OR5H6: variants seen among roughly 807,000 people sequenced by gnomAD.
The protein encoded by OR5H6 is olfactory receptor 5H6.
For synonymous variants in OR5H6, 151 were observed against 127.7 expected, an observed-to-expected ratio of 1.18 and a Z score of -1.23; for missense variants, 429 against 358.1, an observed-to-expected ratio of 1.20 and a Z score of -1.60.
Position 98,264,358 on chromosome 3 carries a change from T to A in OR5H6, c.26T>A (p.Leu9Gln). 6.2e-7 allele frequency: 1 copy of A among 1,613,156 alleles called. No individual in the cohort carries two copies. Among genetic ancestry groups the A allele is most frequent in the Non-Finnish European group, 8.5e-7 (1 of 1,179,210 alleles). The stretch of plus-strand genomic sequence containing the variant: ...ATGGAAGAGGAAAATGCAACATTGC[T>A]GACAGAGTTTGTTCTCACAGGATTT... MEEENATL[L>Q]TEFVLTGFLH... The change falls in exon 1 of 1, where the codon CTG (leucine) becomes CAG (glutamine). Residue 9 changes from leucine to glutamine, a missense_variant. Transcript: ENST00000615035.
Position 98,264,660 on chromosome 3 carries a change from A to G in OR5H6, c.328A>G (p.Thr110Ala). 6.2e-7 allele frequency: 1 copy of G among 1,608,510 alleles called. No homozygotes were observed. The highest frequency in any genetic ancestry group is 1.1e-5 in the South Asian group (1 of 90,838). Residue 110 changes from threonine to alanine, a missense_variant, in exon 1 of 1, where the codon ACA (threonine) becomes GCA (alanine). Physicochemically the swap from Thr to Ala is moderately conservative, Grantham distance 58. Transcript: ENST00000615035. ...QFFSLVTTVT[T>A]ECFLLATMAY... ...TTTTTCCCTTGTAACCACTGTAACC[A>G]CAGAATGTTTTCTCTTGGCAACAAT...
chr3:98,264,359 GAC>G lies in OR5H6; in HGVS notation c.29_30del (p.Thr10ArgfsTer12). On this transcript the variant is annotated frameshift_variant, in exon 1 of 1. Transcript: ENST00000615035. LOFTEE classifies it low-confidence loss of function (END_TRUNC). The stretch of plus-strand genomic sequence containing the variant: ...TGGAAGAGGAAAATGCAACATTGCT[GAC>G]AGAGTTTGTTCTCACAGGATTTTTA... Reference protein sequence around the residue: MEEENATLLTEFVLTGFLHQ... With the variant: MEEENATLLXEFVLTGFLHQ... 6.2e-7 allele frequency: 1 copy of G among 1,613,074 alleles called. No individual in the cohort carries two copies.
Position 98,264,469 on chromosome 3 carries a change from T to C in OR5H6, c.137T>C (p.Ile46Thr), listed in dbSNP as rs1427292008. ...LITIMGNLGL[I>T]VLIWKDPHLH... ...ACCATCATGGGGAATCTTGGTCTAA[T>C]TGTTCTCATCTGGAAAGACCCTCAC... Residue 46 changes from isoleucine (I) to threonine (T), a missense_variant, in exon 1 of 1, where the codon ATT becomes ACT. Transcript: ENST00000615035. The C allele has an allele frequency of 1.2e-6, 2 of 1,612,652 alleles. No individual in the cohort carries two copies. The highest frequency in any genetic ancestry group is 1.7e-6 in the Non-Finnish European group (2 of 1,178,794).
rs760236883 is a variant in OR5H6, at chr3:98,265,164, T to C, written c.832T>C (p.Tyr278His). ...CCAAGATATGATGGAGTCTCTATTT[T>C]ACACTGTCATAGTTCCTTTATTAAA... The part of the protein sequence containing the change: ...DDQDMMESLF[Y>H]TVIVPLLNPM... Residue 278 changes from tyrosine (Y) to histidine (H), a missense_variant, in exon 1 of 1, where the codon TAC becomes CAC. Transcript: ENST00000615035. The C allele has an allele frequency of 3.7e-6, 6 of 1,613,040 alleles. No individual in the cohort carries two copies. Among genetic ancestry groups the C allele is most frequent in the Non-Finnish European group, 4.2e-6 (5 of 1,179,426 alleles).
Position 98,264,705 on chromosome 3 carries a change from G to C in OR5H6, c.373G>C (p.Ala125Pro). 1 of 1,613,200 alleles carries C rather than the reference G, an allele frequency of 6.2e-7. No individual in the cohort carries two copies. Among genetic ancestry groups the C allele is most frequent in the Non-Finnish European group, 8.5e-7 (1 of 1,179,278 alleles). ...LATMAYDRYV[A>P]ICKALLYPVI... ...AACAATGGCATATGATCGCTATGTA[G>C]CCATTTGCAAAGCTTTACTTTATCC... is the stretch of plus-strand genomic sequence containing the variant. Residue 125 changes from alanine (A) to proline (P), a missense_variant, in exon 1 of 1, where the codon GCC (alanine) becomes CCC (proline). Ala to Pro is a conservative substitution (Grantham distance 27). Transcript: ENST00000615035.
Position 98,265,242 on chromosome 3 carries a change from A to G in OR5H6, c.910A>G (p.Met304Val). ...NKQVIASFTK[M>V]FKSNV The stretch of plus-strand genomic sequence containing the variant: ...GCAAGTAATAGCTTCATTCACAAAA[A>G]TGTTCAAAAGCAATGTTTAGATCTC... Residue 304 changes from methionine to valine, a missense_variant, in exon 1 of 1, where the codon ATG becomes GTG. Met to Val is a conservative substitution (Grantham distance 21). Transcript: ENST00000615035. 6.3e-6 allele frequency: 10 copies of G among 1,584,208 alleles called. No individual in the cohort carries two copies. Among genetic ancestry groups the G allele is most frequent in the Non-Finnish European group, 8.6e-6 (10 of 1,168,602 alleles).
In OR5H6 at chr3:98,264,379, G is replaced by A. The variant is rs765251519; in HGVS notation, c.47G>A (p.Gly16Glu). 6.2e-7 allele frequency: 1 copy of A among 1,612,968 alleles called. No homozygotes were observed. The highest frequency in any genetic ancestry group is 8.5e-7 in the Non-Finnish European group (1 of 1,179,204). Residue 16 changes from glycine to glutamate, a missense_variant, in exon 1 of 1, where the codon GGA becomes GAA. Gly to Glu is a moderately conservative substitution (Grantham distance 98). Transcript: ENST00000615035. ...ATLLTEFVLT[G>E]FLHQPDCKIP... Reference sequence around the variant, plus strand: ...TTGCTGACAGAGTTTGTTCTCACAGGATTTTTACATCAACCTGACTGTAAA... The same window carrying A: ...TTGCTGACAGAGTTTGTTCTCACAGAATTTTTACATCAACCTGACTGTAAA...
Position 98,264,324 on chromosome 3 carries a change from A to G in OR5H6, c.-9A>G. Reference sequence around the variant, plus strand: ...TTGCTTCATTTTTCAGAGGACATGCAGTGAGGAGATGGAAGAGGAAAATGC... The same window carrying G: ...TTGCTTCATTTTTCAGAGGACATGCGGTGAGGAGATGGAAGAGGAAAATGC... On this transcript the variant is annotated 5_prime_UTR_variant, in exon 1 of 1. Coordinates refer to ENST00000615035, the MANE Select transcript of OR5H6 (RefSeq NM_001005479.2). 2 of 1,612,894 alleles carry G rather than the reference A, an allele frequency of 1.2e-6. No homozygotes were observed. The highest frequency in any genetic ancestry group is 1.7e-6 in the Non-Finnish European group (2 of 1,179,122).
At position 98,265,033 on chromosome 3, in the gene OR5H6, T is replaced by G; in HGVS notation, c.701T>G (p.Ile234Arg). ...TILEKKSIKG[I>R]RKAVSTCGAH... is the part of the protein sequence containing the mutation. ...TTAGAAAAGAAGTCTATCAAAGGGA[T>G]ACGAAAAGCTGTCTCCACCTGTGGG... The change falls in exon 1 of 1, where the codon ATA (isoleucine) becomes AGA (arginine). Residue 234 changes from isoleucine (I) to arginine (R), a missense_variant. Transcript: ENST00000615035. 1 of 1,612,892 alleles carries G rather than the reference T, an allele frequency of 6.2e-7. No homozygotes were observed. Among genetic ancestry groups the G allele is most frequent in the Non-Finnish European group, 8.5e-7 (1 of 1,179,380 alleles).
Position 98,265,301 on chromosome 3 carries a change from C to T in OR5H6, c.*39C>T, listed in dbSNP as rs754922692. 3.3e-6 allele frequency: 5 copies of T among 1,525,078 alleles called. No individual in the cohort carries two copies. Among genetic ancestry groups the T allele is most frequent in the Admixed American group, 4.4e-5 (2 of 45,500 alleles). 94.5% of individuals were successfully genotyped at this position (1,525,078 alleles called of 1,614,324 possible). Reference sequence around the variant, plus strand: ...TCTCTTCTCTATTTACTAAAATTGTCCCAAGATTGTGCAAGTTAGAGGTGT... The same window carrying T: ...TCTCTTCTCTATTTACTAAAATTGTTCCAAGATTGTGCAAGTTAGAGGTGT... On this transcript the variant is annotated 3_prime_UTR_variant, in exon 1 of 1. Coordinates refer to ENST00000615035, the MANE Select transcript of OR5H6 (RefSeq NM_001005479.2).
In OR5H6 at chr3:98,264,710, T is replaced by G. The variant is rs1424868106; in HGVS notation, c.378T>G (p.Ile126Met). Residue 126 changes from isoleucine (I) to methionine (M), a missense_variant, in exon 1 of 1, where the codon ATT (isoleucine) becomes ATG (methionine). Ile to Met is a conservative substitution (Grantham distance 10). Coordinates refer to ENST00000615035, the MANE Select transcript of OR5H6 (RefSeq NM_001005479.2). ...ATMAYDRYVA[I>M]CKALLYPVIM... ...TGGCATATGATCGCTATGTAGCCAT[T>G]TGCAAAGCTTTACTTTATCCAGTCA... is the stretch of plus-strand genomic sequence containing the variant. 1.2e-6 allele frequency: 2 copies of G among 1,613,262 alleles called. No homozygotes were observed. The highest frequency in any genetic ancestry group is 3.3e-5 in the Admixed American group (2 of 59,960).
At position 98,265,144 on chromosome 3, in the gene OR5H6, A is replaced by G. The variant is rs1408315554; in HGVS notation, c.812A>G (p.Asp271Gly). The G allele has an allele frequency of 6.2e-7, 1 of 1,613,294 alleles. No homozygotes were observed. The highest frequency in any genetic ancestry group is 2.2e-5 in the East Asian group (1 of 44,862). Residue 271 changes from aspartate (D) to glycine (G), a missense_variant, in exon 1 of 1, where the codon GAT (aspartate) becomes GGT (glycine). Transcript: ENST00000615035. ...GSASPQADDQ[D>G]MMESLFYTVI... ...GCATCTCCGCAAGCAGATGACCAAG[A>G]TATGATGGAGTCTCTATTTTACACT...
At position 98,264,832 on chromosome 3, in the gene OR5H6, C is replaced by T; in HGVS notation, c.500C>T (p.Thr167Ile). 1 of 1,610,650 alleles carries T rather than the reference C, an allele frequency of 6.2e-7. No individual in the cohort carries two copies. The highest frequency in any genetic ancestry group is 8.5e-7 in the Non-Finnish European group (1 of 1,178,430). ...CATGAAGCTTTTTCATTCAGATTAA[C>T]CTTCTGTAATTCCAACATAATACAA... ...LIHEAFSFRL[T>I]FCNSNIIQHF... The change falls in exon 1 of 1, where the codon ACC becomes ATC. Residue 167 changes from threonine (T) to isoleucine (I), a missense_variant. By Grantham distance (89) the Thr-to-Ile change is moderately conservative. Transcript: ENST00000615035.
In OR5H6 at chr3:98,264,994, T is replaced by C; in HGVS notation, c.662T>C (p.Ile221Thr). 6.2e-7 allele frequency: 1 copy of C among 1,612,562 alleles called. No homozygotes were observed. Among genetic ancestry groups the C allele is most frequent in the East Asian group, 2.2e-5 (1 of 44,844 alleles). The change falls in exon 1 of 1, where the codon ATC (isoleucine) becomes ACC (threonine). Residue 221 changes from isoleucine to threonine, a missense_variant. Coordinates refer to ENST00000615035, the MANE Select transcript of OR5H6 (RefSeq NM_001005479.2). ...IGTILISYTI[I>T]LFTILEKKSI... ...ACTATTCTTATATCTTATACAATTA[T>C]CCTCTTTACAATCTTAGAAAAGAAG...
Position 98,265,208 on chromosome 3 carries a change from G to C in OR5H6, c.876G>C (p.Leu292=). The C allele has an allele frequency of 6.2e-7, 1 of 1,601,626 alleles. No homozygotes were observed. The highest frequency in any genetic ancestry group is 2.2e-5 in the East Asian group (1 of 44,796). ...VPLLNPMIYS[L]RNKQVIASFT... ...TATTAAATCCCATGATCTACAGCCTGAGAAACAAGCAAGTAATAGCTTCAT... is the reference window on the plus strand; with the variant it reads ...TATTAAATCCCATGATCTACAGCCTCAGAAACAAGCAAGTAATAGCTTCAT... The change falls in exon 1 of 1, where the codon CTG becomes CTC. Residue 292 remains leucine (L), a synonymous_variant. Coordinates refer to ENST00000615035, the MANE Select transcript of OR5H6 (RefSeq NM_001005479.2).
In OR5H6 at chr3:98,265,313, C is replaced by A; in HGVS notation, c.*51C>A. ...TTACTAAAATTGTCCCAAGATTGTG[C>A]AAGTTAGAGGTGTCTATGTCTTGCC... On this transcript the variant is annotated 3_prime_UTR_variant, in exon 1 of 1. Coordinates refer to ENST00000615035, the MANE Select transcript of OR5H6 (RefSeq NM_001005479.2). 2 of 1,515,074 alleles carry A rather than the reference C, an allele frequency of 1.3e-6. No individual in the cohort carries two copies. Among genetic ancestry groups the A allele is most frequent in the African/African-American group, 1.4e-5 (1 of 71,752 alleles). The allele number at this position is 1,515,074 out of a possible 1,614,324, so 93.9% of individuals were successfully genotyped here.
In OR5H6 at chr3:98,265,105, A is replaced by C; in HGVS notation, c.773A>C (p.Lys258Thr). Residue 258 changes from lysine (K) to threonine (T), a missense_variant, in exon 1 of 1, where the codon AAA becomes ACA. Physicochemically the swap from Lys to Thr is moderately conservative, Grantham distance 78. Transcript: ENST00000615035. The part of the protein sequence containing the change: ...VSLYYGPLTF[K>T]YLGSASPQAD... ...TTATACTATGGCCCCCTCACCTTCA[A>C]ATATCTGGGCTCTGCATCTCCGCAA... The C allele has an allele frequency of 6.2e-7, 1 of 1,613,028 alleles. No homozygotes were observed. The highest frequency in any genetic ancestry group is 8.5e-7 in the Non-Finnish European group (1 of 1,179,456).
Position 98,265,253 on chromosome 3 carries a change from C to A in OR5H6, c.921C>A (p.Ser307Arg), listed in dbSNP as rs760328799. ...VIASFTKMFK[S>R]NV ...CTTCATTCACAAAAATGTTCAAAAG[C>A]AATGTTTAGATCTCATACAATCTCT... Residue 307 changes from serine (S) to arginine (R), a missense_variant, in exon 1 of 1, where the codon AGC becomes AGA. Coordinates refer to ENST00000615035, the MANE Select transcript of OR5H6 (RefSeq NM_001005479.2). The A allele has an allele frequency of 1.3e-6, 2 of 1,580,162 alleles. No individual in the cohort carries two copies. Among genetic ancestry groups the A allele is most frequent in the South Asian group, 1.2e-5 (1 of 84,158 alleles).
Position 98,264,477 on chromosome 3 carries a change from A to G in OR5H6, c.145A>G (p.Ile49Val), listed in dbSNP as rs753369648. 3.3e-5 allele frequency: 53 copies of G among 1,612,626 alleles called. No individual in the cohort carries two copies. In the Middle Eastern group the frequency reaches 9.9e-4, roughly 30 times the overall value. Residue 49 changes from isoleucine (I) to valine (V), a missense_variant, in exon 1 of 1, where the codon ATC (isoleucine) becomes GTC (valine). Physicochemically the swap from Ile to Val is conservative, Grantham distance 29. Coordinates refer to ENST00000615035, the MANE Select transcript of OR5H6 (RefSeq NM_001005479.2). The stretch of plus-strand genomic sequence containing the variant: ...GGGGAATCTTGGTCTAATTGTTCTC[A>G]TCTGGAAAGACCCTCACCTTCATAT... The part of the protein sequence containing the change: ...IMGNLGLIVL[I>V]WKDPHLHIPM...
Sources: allele counts gnomAD v4.1 joint callset, GRCh38; gene constraint gnomAD v4.1.1; transcripts MANE v1.5; gene names NCBI Gene and HGNC (gene_info 2026-07-23, HGNC 2026-07-21).